The following PTPRS variants were observed in gnomAD, a reference collection of about 807,000 sequenced individuals.
PTPRS encodes protein tyrosine phosphatase receptor type S, also known as receptor-type tyrosine-protein phosphatase S.
PTPRS carries 63 observed loss-of-function variants against 215.3 expected under a neutral mutation model. The ratio of observed to expected loss-of-function variants is 0.29; its 90% CI spans 0.24 to 0.36. The LOEUF (loss-of-function observed/expected upper bound fraction) is 0.36, where lower values mean the gene tolerates loss of function less well. Among genes scored for constraint, PTPRS ranks in the 10% least tolerant of loss-of-function variants. PTPRS has a pLI of 1.00. For missense variants in PTPRS, 2,258 were observed against 2,825.8 expected (o/e 0.80, Z 4.56); for synonymous variants, 1,404 against 1,191.4 (o/e 1.18, Z -3.68).
At chr19:5,221,986 T>A (rs2042016062) in intron 19 of PTPRS, 137 bp downstream of exon 19, 1 of 691,086 alleles carries the variant, frequency 1.4e-6, no homozygotes, top group Non-Finnish European at 2.5e-6. Context: ...TGACTAAGCC[T>A]CAATCCTAGC....
At chr19:5,331,494 G>A (rs1247651955) in intron 1 of PTPRS, among the ~76,000 whole-genome samples, 1 of 152,032 alleles carries the variant, frequency 6.6e-6, no homozygotes, top group Non-Finnish European at 1.5e-5. Flanking sequence ...TCTGGGATGG[G>A]GTCATCCTGG....
chr19:5,219,400 T>A lies in PTPRS; in HGVS notation c.3833A>T (p.Asp1278Val). Residue 1278 changes from aspartate to valine, a missense_variant, in exon 23 of 38, where the codon GAT (aspartate) becomes GTT (valine). By Grantham distance (152) the Asp-to-Val change is radical. Around this residue, in one of 6 missense-constraint regions of PTPRS, gnomAD observed 927 missense variants for 1,125.9 expected, o/e 0.82. Coordinates refer to ENST00000262963, the MANE Select transcript of PTPRS (RefSeq NM_002850.4). ...LDNPDPQPIV[D>V]GEEGLIWVIG... is the part of the protein sequence containing the mutation. ...CACCCAGATAAGCCCCTCCTCGCCA[T>A]CCACGATGGGCTGGGGGTCCGGGTT... The A allele has an allele frequency of 6.2e-7, 1 of 1,613,584 alleles. No individual in the cohort carries two copies. The highest frequency in any genetic ancestry group is 8.5e-7 in the Non-Finnish European group (1 of 1,179,786).
In PTPRS at chr19:5,339,794, G is replaced by C. The variant is rs1309470464; in HGVS notation, c.-95+870C>G. On this transcript the variant is annotated intron_variant, in intron 1 of 37. Transcript: ENST00000262963. The surrounding 1 kb of genome is among the most constrained non-coding windows in gnomAD (Gnocchi z 4.2). ...GCCCCCGGGGGCTCCCGGGGCGTGC[G>C]GAACCCGCGGGGCTGGCGGTTCCAG... Among the ~76,000 whole-genome samples, 1 of 151,638 alleles carries C rather than the reference G, an allele frequency of 6.6e-6. No individual in the cohort carries two copies. The highest frequency in any genetic ancestry group is 2.4e-5 in the African/African-American group (1 of 41,312).
At chr19:5,274,481 A>G (rs759673150) in intron 2 of PTPRS, 137 bp from the exon 3 acceptor site, 122 of 1,111,824 alleles carry the variant, frequency 1.1e-4, no homozygotes, top group Non-Finnish European at 1.4e-4. Flanking sequence ...GGAGGAGGAA[A>G]GCAAGGATGA....
chr19:5,240,152 C>T, intron 12 of PTPRS, 47 bp downstream of exon 12: 1 of 1,460,824 alleles, frequency 6.8e-7, no homozygotes. Flanking sequence ...TCAGAGAGCG[C>T]CGGGGAGGAG....
intron 1 of PTPRS, among the ~76,000 whole-genome samples, chr19:5,296,932 G>A (rs940703995): frequency 6.6e-6 from 1 of 152,084 alleles, no homozygotes; most frequent in African/African-American, 2.4e-5. Context: ...CTGGGTAGAG[G>A]ATGAGGGAGA....
Position 5,206,060 on chromosome 19 carries a change from T to TAAAAAA in PTPRS, c.*708_*713dup, listed in dbSNP as rs545658474. On this transcript the variant is annotated 3_prime_UTR_variant, in exon 38 of 38. Transcript: ENST00000262963. ...CACACTTTCTGATGGTAGGAAAAATTAAAAAAAAAAAAAAAAAAAAAAAAG... is the reference window on the plus strand; with the variant it reads ...CACACTTTCTGATGGTAGGAAAAATTAAAAAAAAAAAAAAAAAAAAAAAAAAAAAAG... Among the ~76,000 whole-genome samples the TAAAAAA allele has an allele frequency of 2.4e-4, 17 of 70,252 alleles. No individual in the cohort carries two copies. Among genetic ancestry groups the TAAAAAA allele is most frequent in the Non-Finnish European group, 3.7e-4 (13 of 34,788 alleles). The allele number at this position is 70,252 out of a possible 152,430, so 46.1% of individuals were successfully genotyped here.
In PTPRS at chr19:5,221,217, G is replaced by A. The variant is rs774511967; in HGVS notation, c.3238C>T (p.Arg1080Cys). 3 of 1,613,696 alleles carry A rather than the reference G, an allele frequency of 1.9e-6. No individual in the cohort carries two copies. Among genetic ancestry groups the A allele is most frequent in the East Asian group, 2.2e-5 (1 of 44,896 alleles). Residue 1080 changes from arginine (R) to cysteine (C), a missense_variant, in exon 20 of 38, where the codon CGT becomes TGT. Arg to Cys is a radical substitution (Grantham distance 180). This residue lies in a region of PTPRS where 927 missense variants were observed against 1,125.9 expected (regional missense o/e 0.82). Coordinates refer to ENST00000262963, the MANE Select transcript of PTPRS (RefSeq NM_002850.4). ...YNGLTLDVDG[R>C]TTKKLITHLK... ...TGCGTGATGAGCTTCTTGGTGGTAC[G>A]GCCATCCACATCCAGTGTGAGCCCA...
chr19:5,321,262 G>A (rs2050017434), intron 1 of PTPRS, among the ~76,000 whole-genome samples: 1 of 152,148 alleles, frequency 6.6e-6, no homozygotes, highest in Admixed American at 6.5e-5. Flanking sequence ...AACAGAGCAA[G>A]ACCCTGTCTC....
intron 13 of PTPRS, among the ~76,000 whole-genome samples, chr19:5,235,102 G>A (rs1012841362): frequency 5.3e-5 from 8 of 152,036 alleles, no homozygotes; most frequent in African/African-American, 1.7e-4. Context: ...CACCACGCTC[G>A]GCTAATTTTT....
At chr19:5,255,795 T>C (rs1254993340) in intron 9 of PTPRS, among the ~76,000 whole-genome samples, 1 of 152,076 alleles carries the variant, frequency 6.6e-6, no homozygotes, top group Non-Finnish European at 1.5e-5. Flanking sequence ...GCAACAACAT[T>C]ACCAACGGAT....
In PTPRS at chr19:5,222,923, C is replaced by G. The variant is rs768350891; in HGVS notation, c.2869G>C (p.Glu957Gln). 3.2e-5 allele frequency: 50 copies of G among 1,560,200 alleles called. 1 individual carries two copies. The highest frequency in any genetic ancestry group is 8.2e-5 in the African/African-American group (6 of 73,082). ...LLRWLPPVPAERNGAIVKYTV... is the reference protein window; with the variant it reads ...LLRWLPPVPAQRNGAIVKYTV... The stretch of plus-strand genomic sequence containing the variant: ...TATTTGACGATGGCCCCGTTGCGCT[C>G]GGCGGGCACGGGTGGCAGCCAGCGG... Residue 957 changes from glutamate (E) to glutamine (Q), a missense_variant, in exon 18 of 38, where the codon GAG becomes CAG. Glu to Gln is a conservative substitution (Grantham distance 29). This residue lies in a region of PTPRS where 361 missense variants were observed against 332.6 expected (regional missense o/e 1.09). Transcript: ENST00000262963.
chr19:5,238,360 C>T (rs564464434), intron 13 of PTPRS, among the ~76,000 whole-genome samples: 8 of 152,210 alleles, frequency 5.3e-5, no homozygotes, highest in African/African-American at 1.9e-4. Context: ...AACCTGGCCT[C>T]GGCTCCGATT....
chr19:5,220,692 C>T (rs2041903655), intron 20 of PTPRS, among the ~76,000 whole-genome samples: 1 of 152,152 alleles, frequency 6.6e-6, no homozygotes, highest in African/African-American at 2.4e-5. Context: ...CCACTGGGGA[C>T]TCTCAGCTTT....
chr19:5,212,428 C>G lies in PTPRS; in HGVS notation c.4678G>C (p.Val1560Leu), dbSNP rs150241840. ...FQFTAWPDHG[V>L]PEYPTPFLAF... ...AGGAAGGGCGTTGGGTATTCGGGCA[C>G]GCCATGGTCCGGCCACGCCGTAAAC... The change falls in exon 31 of 38, where the codon GTG becomes CTG. Residue 1560 changes from valine (V) to leucine (L), a missense_variant. Transcript: ENST00000262963. 3 of 1,600,850 alleles carry G rather than the reference C, an allele frequency of 1.9e-6. No individual in the cohort carries two copies. Among genetic ancestry groups the G allele is most frequent in the African/African-American group, 1.3e-5 (1 of 74,596 alleles).
chr19:5,335,645 G>A (rs1033859344), intron 1 of PTPRS, among the ~76,000 whole-genome samples: 1 of 152,166 alleles, frequency 6.6e-6, no homozygotes, highest in East Asian at 1.9e-4. Context: ...AAAGGAGCAA[G>A]GCCACCCAGA....
At chr19:5,249,284 C>A (rs903915872) in intron 9 of PTPRS, among the ~76,000 whole-genome samples, 2 of 152,224 alleles carry the variant, frequency 1.3e-5, no homozygotes, top group African/African-American at 4.8e-5. Context: ...GCACTCCAGC[C>A]TGGGTGACAG....
intron 9 of PTPRS, among the ~76,000 whole-genome samples, chr19:5,246,524 G>T (rs928858680): frequency 1.3e-5 from 2 of 152,202 alleles, no homozygotes; most frequent in Admixed American, 6.5e-5. Context: ...TCCCGAATGG[G>T]GGCATCCCCT....
Position 5,214,657 on chromosome 19 carries a change from C to A in PTPRS, c.4398G>T (p.Gly1466=), listed in dbSNP as rs1381478980. 6.2e-7 allele frequency: 1 copy of A among 1,613,076 alleles called. No homozygotes were observed. Among genetic ancestry groups the A allele is most frequent in the Non-Finnish European group, 8.5e-7 (1 of 1,179,950 alleles). Residue 1466 remains glycine (G), a synonymous_variant, in exon 29 of 38, where the codon GGG becomes GGT. Transcript: ENST00000262963. ...AGTCCCCAAAGGTCTCAGGCAGCGG[C>A]CCCTGCGTGGCAATGTACGCGTTCT... The part of the protein sequence containing the change: ...RCQNAYIATQ[G]PLPETFGDFW...
Sources: allele counts gnomAD v4.1 joint callset (sites outside exome capture counted in the v4.1 genomes callset), GRCh38; gene constraint gnomAD v4.1.1; regional missense constraint gnomAD v4.1.1; non-coding constraint Gnocchi (gnomAD v3.1); transcripts MANE v1.5; gene names NCBI Gene and HGNC (gene_info 2026-07-23, HGNC 2026-07-21).